The following COL4A5 variants were observed in gnomAD, a reference collection of about 807,000 sequenced individuals.
COL4A5 encodes collagen type IV alpha 5 chain.
Under a neutral mutation model 130.2 loss-of-function variants are expected in COL4A5, and 26 were observed. That is an observed-to-expected ratio of 0.20 (90% CI 0.15 to 0.28). The LOEUF is 0.28. COL4A5 is among the 10% of genes least tolerant of loss of function. COL4A5 has a pLI of 1.00. For synonymous variants in COL4A5, 496 were observed against 439.6 expected, an observed-to-expected ratio of 1.13 and a Z score of -1.60; for missense variants, 1,131 against 1,344.3, an observed-to-expected ratio of 0.84 and a Z score of 2.48.
chrX:108,562,563 G>A (rs190133407), intron 3 of COL4A5, among the ~76,000 whole-genome samples: 7 of 111,471 alleles, frequency 6.3e-5, no homozygotes, highest in Admixed American at 5.7e-4. Flanking sequence ...CTTTTTTTGT[G>A]ATTTCATTTC....
rs773912490 is a variant in COL4A5 at position 108,655,364 on chromosome X, C to T, written c.3280C>T (p.Pro1094Ser). Residue 1094 changes from proline (P) to serine (S), a missense_variant, in exon 37 of 53, where the codon CCT becomes TCT. Physicochemically the swap from Pro to Ser is moderately conservative, Grantham distance 74. Coordinates refer to ENST00000328300, the MANE Select transcript of COL4A5 (RefSeq NM_033380.3). ...TGGTCTGCCTGGATACCCAGGGAAC[C>T]CTGGTATCAAAGGTTCTGTGGGAGA... ...EPGLPGYPGN[P>S]GIKGSVGDPG... 2.2e-5 allele frequency: 26 copies of T among 1,208,608 alleles called. No individual in the cohort carries two copies. The highest frequency in any genetic ancestry group is 1.8e-4 in the East Asian group (6 of 33,731).
At chrX:108,607,273 A>C (rs1368393477) in intron 29 of COL4A5, among the ~76,000 whole-genome samples, 1 of 103,611 alleles carries the variant, frequency 9.7e-6, no homozygotes, top group Non-Finnish European at 2.0e-5. Flanking sequence ...AGGCTGAGGC[A>C]GGAGAATCAC....
At chrX:108,516,862 C>G (rs2065225679) in intron 1 of COL4A5, among the ~76,000 whole-genome samples, 1 of 111,317 alleles carries the variant, frequency 9.0e-6, no homozygotes, top group Non-Finnish European at 1.9e-5. Flanking sequence ...AGGAATGTGG[C>G]ATTTGAAAGC....
intron 37 of COL4A5, 149 bp from the exon 38 acceptor site, chrX:108,665,358 T>C: frequency 4.4e-6 from 2 of 456,261 alleles, no homozygotes; most frequent in Middle Eastern, 6.1e-4. Context: ...AAAATTATTA[T>C]TAAAAATAGC....
intron 36 of COL4A5, among the ~76,000 whole-genome samples, chrX:108,637,089 C>T (rs776140055): frequency 4.6e-5 from 5 of 108,672 alleles, no homozygotes; most frequent in South Asian, 4.1e-4. Flanking sequence ...ATTACAGATA[C>T]GCACCACCAT....
chrX:108,665,788 C>T (rs1171159239), intron 38 of COL4A5, among the ~76,000 whole-genome samples: 8 of 112,303 alleles, frequency 7.1e-5, no homozygotes, highest in African/African-American at 1.9e-4. Flanking sequence ...CAGTGGCTCA[C>T]GCCTGTAATC....
rs1311536751 is a variant in COL4A5, at chrX:108,597,592, T to C, written c.1779+24T>C. 8 of 1,171,204 alleles carry C rather than the reference T, an allele frequency of 6.8e-6. No homozygotes were observed. In the East Asian group the frequency reaches 1.5e-4, roughly 22 times the overall value. On this transcript the variant is annotated intron_variant, in intron 24 of 52. Transcript: ENST00000328300. Reference sequence around the variant, plus strand: ...CTGTGAGTTGGTTTGATATTTTTGGTTTTGTGATGTTAAATTTTCACTTAG... The same window carrying C: ...CTGTGAGTTGGTTTGATATTTTTGGCTTTGTGATGTTAAATTTTCACTTAG...
At chrX:108,684,253 A>G (rs1009809681) in intron 47 of COL4A5, among the ~76,000 whole-genome samples, 4 of 111,620 alleles carry the variant, frequency 3.6e-5, no homozygotes, top group African/African-American at 6.5e-5. Context: ...AAGGCAAGAA[A>G]TAACTAAGAT....
intron 29 of COL4A5, among the ~76,000 whole-genome samples, chrX:108,610,212 A>AT (rs962011878): frequency 2.7e-5 from 3 of 110,217 alleles, no homozygotes; most frequent in Non-Finnish European, 5.7e-5. Flanking sequence ...GCTGACTTGC[A>AT]TTTTTTTTCC....
chrX:108,475,403 C>G lies in COL4A5; in HGVS notation c.81+35197C>G, dbSNP rs186545570. Among the ~76,000 whole-genome samples the G allele has an allele frequency of 1.0e-3, 112 of 111,307 alleles. 4 individuals are homozygous for G. The East Asian group carries it at 0.031, about 30-fold the overall frequency. ...AGACAGTCTTACTTCTCCCTTTCTT[C>G]CCTATATGCTTGTTATTTGTTTTCC... is the stretch of plus-strand genomic sequence containing the variant. On this transcript the variant is annotated intron_variant, in intron 1 of 52. Transcript: ENST00000328300.
chrX:108,545,909 T>C (rs746183835), intron 2 of COL4A5, among the ~76,000 whole-genome samples: 65 of 111,502 alleles, frequency 5.8e-4, no homozygotes, highest in African/African-American at 1.9e-3. Flanking sequence ...AAGTGTGTTT[T>C]ATCAGAGACT....
chrX:108,595,240 C>T (rs1803914751), intron 21 of COL4A5, among the ~76,000 whole-genome samples: 1 of 111,511 alleles, frequency 9.0e-6, no homozygotes, highest in Non-Finnish European at 1.9e-5. Context: ...TATCCCTTTC[C>T]CCTGGTAGAG....
At chrX:108,505,572 T>C (rs149900785) in intron 1 of COL4A5, among the ~76,000 whole-genome samples, 429 of 111,171 alleles carry the variant, frequency 3.9e-3, no homozygotes, top group Admixed American at 7.2e-3. Flanking sequence ...CTCTAATCAA[T>C]ATTAGTGTCC....
chrX:108,585,871 G>C (rs1019639250), intron 18 of COL4A5, among the ~76,000 whole-genome samples: 1 of 110,679 alleles, frequency 9.0e-6, no homozygotes, highest in Non-Finnish European at 1.9e-5. Flanking sequence ...TTATGGGGGA[G>C]TTTTCTTTTT....
intron 2 of COL4A5, among the ~76,000 whole-genome samples, chrX:108,551,624 T>A (rs1435452372): frequency 8.9e-6 from 1 of 112,238 alleles, no homozygotes. Context: ...GATTCTTTAA[T>A]CAGTTCAGCC....
chrX:108,696,513 T>C lies in COL4A5; in HGVS notation c.*135T>C. Reference sequence around the variant, plus strand: ...GCTACTATATATGATCAAGATAACATGCTGACTAGTAACCATGAAGATTCA... The same window carrying C: ...GCTACTATATATGATCAAGATAACACGCTGACTAGTAACCATGAAGATTCA... On this transcript the variant is annotated 3_prime_UTR_variant, in exon 53 of 53. Coordinates refer to ENST00000328300, the MANE Select transcript of COL4A5 (RefSeq NM_033380.3). 1 of 457,540 alleles carries C rather than the reference T, an allele frequency of 2.2e-6. No individual in the cohort carries two copies. The highest frequency in any genetic ancestry group is 3.8e-6 in the Non-Finnish European group (1 of 263,051). 37.7% of individuals were successfully genotyped at this position (457,540 alleles called of 1,213,427 possible).
At chrX:108,676,490 A>G (rs2068304766) in intron 43 of COL4A5, among the ~76,000 whole-genome samples, 1 of 112,098 alleles carries the variant, frequency 8.9e-6, no homozygotes, top group African/African-American at 3.2e-5. Flanking sequence ...AAAAGAAATT[A>G]AAAACACAGC....
rs367714441 is a variant in COL4A5 at position 108,620,406 on chromosome X, C to G, written c.2657C>G (p.Ala886Gly). Reference protein sequence around the residue: ...PPGSPGLPGKAGASGFPGTKG... With the variant: ...PPGSPGLPGKGGASGFPGTKG... The stretch of plus-strand genomic sequence containing the variant: ...GGATCACCAGGGCTTCCAGGAAAAG[C>G]AGGTGCCTCTGGATTTCCAGGTAAT... The change falls in exon 31 of 53, where the codon GCA becomes GGA. Residue 886 changes from alanine (A) to glycine (G), a missense_variant. By Grantham distance (60) the Ala-to-Gly change is moderately conservative. Transcript: ENST00000328300. 5.8e-5 allele frequency: 70 copies of G among 1,207,370 alleles called. No individual in the cohort carries two copies. The highest frequency in any genetic ancestry group is 7.8e-5 in the Non-Finnish European group (70 of 893,686).
In COL4A5 at chrX:108,686,040, G is replaced by A; in HGVS notation, c.4226G>A (p.Gly1409Asp). 1 of 1,209,220 alleles carries A rather than the reference G, an allele frequency of 8.3e-7. No homozygotes were observed. The highest frequency in any genetic ancestry group is 1.1e-6 in the Non-Finnish European group (1 of 893,707). ...CATTCTTTTCCTGTAGGTCCAACTGGCCCTCCAGGAGATCCTGGACGCAAT... is the reference window on the plus strand; with the variant it reads ...CATTCTTTTCCTGTAGGTCCAACTGACCCTCCAGGAGATCCTGGACGCAAT... Reference protein sequence around the residue: ...QGPQGLPGPTGPPGDPGRNGL... With the variant: ...QGPQGLPGPTDPPGDPGRNGL... Residue 1409 changes from glycine (G) to aspartate (D), a missense_variant, in exon 48 of 53, where the codon GGC becomes GAC. Physicochemically the swap from Gly to Asp is moderately conservative, Grantham distance 94. Coordinates refer to ENST00000328300, the MANE Select transcript of COL4A5 (RefSeq NM_033380.3).
Sources: gnomAD v4.1 joint callset for allele counts (sites outside exome capture counted in the v4.1 genomes callset) on GRCh38, gnomAD v4.1.1 for gene constraint, MANE v1.5 for transcripts, NCBI Gene and HGNC (gene_info 2026-07-23, HGNC 2026-07-21) for gene names.